LEPR: variants seen among roughly 807,000 people sequenced by gnomAD.
The protein encoded by LEPR is OB receptor.
LEPR carries 56 observed loss-of-function variants against 114.7 expected under a neutral mutation model. The observed-to-expected ratio is 0.49, with a 90% CI of 0.39 to 0.61. LEPR has a LOEUF of 0.61. Among genes scored for constraint, LEPR ranks in the 20% least tolerant of loss-of-function variants. The probability of loss-of-function intolerance (pLI) is 0.00; values close to 1 mark genes in which losing one functional copy is unlikely to be tolerated. For synonymous variants in LEPR, 443 were observed against 461.4 expected, an observed-to-expected ratio of 0.96 and a Z score of 0.51; for missense variants, 1,202 against 1,352.9, an observed-to-expected ratio of 0.89 and a Z score of 1.75.
rs910742017 is a variant in LEPR, at chr1:65,621,387, A to G, written c.2526A>G (p.Leu842=). The G allele has an allele frequency of 6.2e-7, 1 of 1,613,434 alleles. No individual in the cohort carries two copies. Among genetic ancestry groups the G allele is most frequent in the Non-Finnish European group, 8.5e-7 (1 of 1,179,634 alleles). Reference sequence around the variant, plus strand: ...AAAAACACCAGAGTGATGCAGGTTTATATGTAATTGTGCCAGTAATTATTT... The same window carrying G: ...AAAAACACCAGAGTGATGCAGGTTTGTATGTAATTGTGCCAGTAATTATTT... ...DIEKHQSDAG[L]YVIVPVIISS... Residue 842 remains leucine, a synonymous_variant, in exon 18 of 20, where the codon TTA becomes TTG. Coordinates refer to ENST00000349533, the MANE Select transcript of LEPR (RefSeq NM_002303.6).
chr1:65,509,445 A>G (rs1439414002), intron 2 of LEPR, among the ~76,000 whole-genome samples: 1 of 148,562 alleles, frequency 6.7e-6, no homozygotes, highest in Non-Finnish European at 1.5e-5. Flanking sequence ...TATGATGATC[A>G]TATGTTTTTT....
chr1:65,478,900 A>C (rs1409717180), intron 2 of LEPR, among the ~76,000 whole-genome samples: 4 of 152,186 alleles, frequency 2.6e-5, no homozygotes, highest in Non-Finnish European at 5.9e-5. Context: ...GCCTTGTGTA[A>C]GAAGGAGTGG....
chr1:65,462,344 T>A (rs565194325), intron 2 of LEPR, among the ~76,000 whole-genome samples: 2 of 152,362 alleles, frequency 1.3e-5, no homozygotes, highest in South Asian at 4.1e-4. Flanking sequence ...TTTTTATGGC[T>A]GCATAGTATT....
chr1:65,518,893 C>CTTTCT (rs1358719524), intron 2 of LEPR, among the ~76,000 whole-genome samples: 1 of 83,664 alleles, frequency 1.2e-5, no homozygotes, highest in Non-Finnish European at 2.9e-5. Flanking sequence ...TTCTTTCTTT[C>CTTTCT]TTTCTTTCTT....
intron 2 of LEPR, among the ~76,000 whole-genome samples, chr1:65,447,055 C>T (rs144495643): frequency 1.3e-5 from 2 of 152,224 alleles, no homozygotes; most frequent in Admixed American, 1.3e-4. Context: ...TGGTCTCAAA[C>T]TCCTGGGCTC....
chr1:65,610,158 A>C (rs746650471), intron 13 of LEPR, 52 bp downstream of exon 13: 3 of 1,614,150 alleles, frequency 1.9e-6, no homozygotes, highest in Non-Finnish European at 2.5e-6. Context: ...TGTGTGCTTC[A>C]AATATGGCTG....
At chr1:65,450,031 G>A (rs1041763485) in intron 2 of LEPR, among the ~76,000 whole-genome samples, 1 of 152,086 alleles carries the variant, frequency 6.6e-6, no homozygotes, top group Non-Finnish European at 1.5e-5. Flanking sequence ...TTTGAAGTGT[G>A]TTGTTTAATC....
chr1:65,632,795 T>C (rs1294991343), intron 19 of LEPR, among the ~76,000 whole-genome samples: 1 of 152,148 alleles, frequency 6.6e-6, no homozygotes, highest in Non-Finnish European at 1.5e-5. Context: ...TCTCCTCTTT[T>C]ATTTTTTCTT....
intron 3 of LEPR, among the ~76,000 whole-genome samples, chr1:65,568,422 G>A (rs1288238446): frequency 6.6e-6 from 1 of 151,970 alleles, no homozygotes; most frequent in African/African-American, 2.4e-5. Flanking sequence ...TAGAATAATG[G>A]CCTTTAGCTC....
Position 65,420,694 on chromosome 1 carries a change from C to T in LEPR, c.-143C>T, listed in dbSNP as rs1463302603. 2 of 1,573,772 alleles carry T rather than the reference C, an allele frequency of 1.3e-6. No individual in the cohort carries two copies. The highest frequency in any genetic ancestry group is 8.6e-7 in the Non-Finnish European group (1 of 1,161,882). ...GGCTGCCCGGGCCGTGGCAGGAAGC[C>T]GGAAGCAGCCGCGGCCCCAGTTCGG... On this transcript the variant is annotated 5_prime_UTR_variant, in exon 1 of 20. Transcript: ENST00000349533.
At chr1:65,444,962 G>A (rs1158422997) in intron 2 of LEPR, among the ~76,000 whole-genome samples, 1 of 152,142 alleles carries the variant, frequency 6.6e-6, no homozygotes, top group Non-Finnish European at 1.5e-5. Flanking sequence ...CTGTTACTCA[G>A]ACCCAAGTTT....
chr1:65,546,638 C>G (rs553666890), intron 2 of LEPR, among the ~76,000 whole-genome samples: 1 of 152,136 alleles, frequency 6.6e-6, no homozygotes, highest in South Asian at 2.1e-4. Flanking sequence ...AGAATGCTTG[C>G]GATTTTTGTA....
At chr1:65,450,047 G>T (rs994851027) in intron 2 of LEPR, among the ~76,000 whole-genome samples, 1 of 152,056 alleles carries the variant, frequency 6.6e-6, no homozygotes, top group African/African-American at 2.4e-5. Context: ...TAATCTCCAT[G>T]TATTTTGGAA....
At chr1:65,493,560 A>G (rs2100499184) in intron 2 of LEPR, among the ~76,000 whole-genome samples, 1 of 152,240 alleles carries the variant, frequency 6.6e-6, no homozygotes, top group South Asian at 2.1e-4. Context: ...AATTGTGGCA[A>G]AAGACCCATA....
intron 19 of LEPR, among the ~76,000 whole-genome samples, chr1:65,627,180 A>ATCCAGATCTATCAAT: frequency 6.6e-6 from 1 of 152,290 alleles, no homozygotes; most frequent in South Asian, 2.1e-4. Context: ...TCTGACTCAA[A>ATCCAGATCTATCAAT]TTGATACCCG....
At chr1:65,474,357 A>G (rs565413747) in intron 2 of LEPR, among the ~76,000 whole-genome samples, 1 of 152,304 alleles carries the variant, frequency 6.6e-6, no homozygotes, top group South Asian at 2.1e-4. Context: ...TACTTTTAAA[A>G]CTGAGCAAAT....
chr1:65,528,674 T>C (rs887624921), intron 2 of LEPR, among the ~76,000 whole-genome samples: 2 of 152,114 alleles, frequency 1.3e-5, no homozygotes, highest in African/African-American at 2.4e-5. Flanking sequence ...GATAAATCAT[T>C]ATAATAATTG....
At chr1:65,565,794 A>G (rs536982547) in intron 3 of LEPR, among the ~76,000 whole-genome samples, 189 bp downstream of exon 3, 3 of 151,730 alleles carry the variant, frequency 2.0e-5, no homozygotes, top group Non-Finnish European at 1.5e-5. Flanking sequence ...ACCCTTCCCA[A>G]CCTCCTAAAG....
intron 2 of LEPR, among the ~76,000 whole-genome samples, chr1:65,447,441 C>G (rs1021389469): frequency 2.6e-5 from 4 of 151,446 alleles, no homozygotes; most frequent in Non-Finnish European, 5.9e-5. Flanking sequence ...TATAGTTTTC[C>G]TCATATAGAT....
Sources: allele counts gnomAD v4.1 joint callset (sites outside exome capture counted in the v4.1 genomes callset), GRCh38; gene constraint gnomAD v4.1.1; transcripts MANE v1.5; gene names NCBI Gene and HGNC (gene_info 2026-07-23, HGNC 2026-07-21).